Variants in RTN4IP1 observed in about 807,000 individuals in gnomAD.
RTN4IP1 encodes the protein reticulon 4 interacting protein 1, also known as NAD(P)H oxidoreductase RTN4IP1, mitochondrial.
Under a neutral mutation model 46.6 loss-of-function variants are expected in RTN4IP1, and 32 were observed. That is an observed-to-expected ratio of 0.69 (90% confidence interval 0.52 to 0.92). The LOEUF (loss-of-function observed/expected upper bound fraction) is 0.92, where lower values mean the gene tolerates loss of function less well. RTN4IP1 is among the 40% of genes least tolerant of loss of function. RTN4IP1 has a pLI of 0.00. For synonymous variants in RTN4IP1, 167 were observed against 161.8 expected, an observed-to-expected ratio of 1.03 and a Z score of -0.24; for missense variants, 424 against 485.8, an observed-to-expected ratio of 0.87 and a Z score of 1.20.
intron 8 of RTN4IP1, among the ~76,000 whole-genome samples, chr6:106,580,718 CAAAGAA>C (rs1775348505): frequency 1.0e-5 from 1 of 99,730 alleles, no homozygotes. Context: ...GACTCTGTCT[CAAAGAA>C]AAAAAAAAAA....
At chr6:106,612,383 T>TC (rs1776246314) in intron 4 of RTN4IP1, among the ~76,000 whole-genome samples, 1 of 32,462 alleles carries the variant, frequency 3.1e-5, no homozygotes, top group Non-Finnish European at 5.7e-5. Flanking sequence ...CAAGACTCCG[T>TC]CAAAAAAAAA....
chr6:106,609,330 G>C (rs1776164383), intron 4 of RTN4IP1, among the ~76,000 whole-genome samples: 1 of 152,194 alleles, frequency 6.6e-6, no homozygotes, highest in Non-Finnish European at 1.5e-5. Flanking sequence ...TGAGGCGGGA[G>C]GATTGCTTGA....
intron 1 of RTN4IP1, among the ~76,000 whole-genome samples, chr6:106,627,913 C>CA (rs1243452354): frequency 5.6e-5 from 8 of 143,268 alleles, no homozygotes. Flanking sequence ...TATAAAAATA[C>CA]AAAAATTAGC....
chr6:106,613,576 A>T (rs1361730283), intron 4 of RTN4IP1, among the ~76,000 whole-genome samples: 2 of 152,238 alleles, frequency 1.3e-5, no homozygotes, highest in African/African-American at 4.8e-5. Context: ...TACACAAGAA[A>T]ACGTGAAATG....
At chr6:106,623,183 T>TA (rs924827173) in intron 1 of RTN4IP1, among the ~76,000 whole-genome samples, 3 of 151,930 alleles carry the variant, frequency 2.0e-5, no homozygotes, top group Non-Finnish European at 2.9e-5. Context: ...ATAGACTGGA[T>TA]AAAAAAACTG....
At chr6:106,621,377 G>A (rs181887890) in intron 3 of RTN4IP1, 48 bp downstream of exon 3, 2 of 1,342,294 alleles carry the variant, frequency 1.5e-6, no homozygotes, top group East Asian at 2.3e-5. Flanking sequence ...ATATTTGCCA[G>A]TCTTTGTTTA....
chr6:106,581,255 T>C (rs898932564), intron 8 of RTN4IP1, among the ~76,000 whole-genome samples: 2 of 152,114 alleles, frequency 1.3e-5, no homozygotes, highest in African/African-American at 4.8e-5. Context: ...TTTAAAAGAG[T>C]TGGCTCTGTT....
In RTN4IP1 at chr6:106,618,797, G is replaced by A. The variant is rs73761708; in HGVS notation, c.620+405C>T. 4.8e-3 allele frequency among the ~76,000 whole-genome samples: 736 copies of A among 152,250 alleles called. 2 individuals are homozygous for A. The highest frequency in any genetic ancestry group is 0.017 in the African/African-American group (688 of 41,554). On this transcript the variant is annotated intron_variant, in intron 4 of 8. Coordinates refer to ENST00000369063, the MANE Select transcript of RTN4IP1 (RefSeq NM_032730.5). ...GCAAGTGTGAGAATAACTCCTGGGA[G>A]AGGTAGGGAAAAAACATCTTAACCT...
chr6:106,586,348 C>A, intron 7 of RTN4IP1, among the ~76,000 whole-genome samples: 1 of 152,160 alleles, frequency 6.6e-6, no homozygotes, highest in Middle Eastern at 3.4e-3. Context: ...TCCAGAGTCT[C>A]AAGTATTTTG....
chr6:106,572,376 A>C, intron 8 of RTN4IP1: 1 of 371,648 alleles, frequency 2.7e-6, no homozygotes, highest in South Asian at 5.0e-5. Flanking sequence ...GAACCGTTCA[A>C]CAGCTCCCAC....
intron 3 of RTN4IP1, among the ~76,000 whole-genome samples, chr6:106,619,802 A>G (rs983350370): frequency 8.6e-5 from 13 of 151,532 alleles, no homozygotes. Flanking sequence ...CAGTAGAGAC[A>G]GGGTTTCACC....
At chr6:106,575,579 G>C (rs1449580497) in intron 8 of RTN4IP1, among the ~76,000 whole-genome samples, 1 of 152,166 alleles carries the variant, frequency 6.6e-6, no homozygotes, top group African/African-American at 2.4e-5. Flanking sequence ...TCTCACTACT[G>C]CAAGAGCATG....
chr6:106,580,261 C>A (rs1271906972), intron 8 of RTN4IP1, among the ~76,000 whole-genome samples: 1 of 147,472 alleles, frequency 6.8e-6, no homozygotes, highest in Non-Finnish European at 1.5e-5. Context: ...TGACCAGTAA[C>A]CAGACCTTCT....
intron 2 of RTN4IP1, among the ~76,000 whole-genome samples, chr6:106,621,705 A>G (rs1776490930): frequency 6.6e-6 from 1 of 152,230 alleles, no homozygotes; most frequent in South Asian, 2.1e-4. Flanking sequence ...AGCAGATGCC[A>G]GCATATCCTG....
At chr6:106,596,426 G>A (rs565608268) in intron 5 of RTN4IP1, among the ~76,000 whole-genome samples, 86 of 152,178 alleles carry the variant, frequency 5.7e-4, no homozygotes, top group African/African-American at 1.8e-3. Flanking sequence ...CTACAAAAAC[G>A]TGAAAAAATT....
At chr6:106,624,520 A>G (rs1472803509) in intron 1 of RTN4IP1, among the ~76,000 whole-genome samples, 1 of 150,828 alleles carries the variant, frequency 6.6e-6, no homozygotes, top group Admixed American at 6.6e-5. Flanking sequence ...CTAATTTTGT[A>G]GAAACAGGGA....
intron 4 of RTN4IP1, among the ~76,000 whole-genome samples, chr6:106,615,863 T>C (rs1359482640): frequency 6.6e-6 from 1 of 152,182 alleles, no homozygotes; most frequent in Admixed American, 6.5e-5. Flanking sequence ...GAACAAATCA[T>C]GAAGAAACTA....
intron 8 of RTN4IP1, 167 bp from the exon 9 acceptor site, chr6:106,572,270 A>C: frequency 8.4e-6 from 5 of 594,594 alleles, no homozygotes; most frequent in Admixed American, 3.0e-5. Context: ...TGCTGCCTCC[A>C]CTCCTGCCTC....
intron 4 of RTN4IP1, among the ~76,000 whole-genome samples, chr6:106,616,969 G>A (rs1776372021): frequency 6.6e-6 from 1 of 152,152 alleles, no homozygotes; most frequent in Non-Finnish European, 1.5e-5. Flanking sequence ...GGGGTGATTA[G>A]GTCATGCAAG....
Sources: allele counts gnomAD v4.1 joint callset (sites outside exome capture counted in the v4.1 genomes callset), GRCh38; gene constraint gnomAD v4.1.1; transcripts MANE v1.5; gene names NCBI Gene and HGNC (gene_info 2026-07-23, HGNC 2026-07-21).